PLEKHA4: variants seen among roughly 807,000 people sequenced by gnomAD.
The protein encoded by PLEKHA4 is pleckstrin homology domain-containing family A member 4.
PLEKHA4 carries 73 observed loss-of-function variants against 94.7 expected under a neutral mutation model. That is an observed-to-expected ratio of 0.77 (90% CI 0.64 to 0.94). PLEKHA4 has a LOEUF of 0.94. Ranked by LOEUF, PLEKHA4 falls within the 40% of genes least tolerant of loss-of-function variation. The probability of loss-of-function intolerance (pLI) is 0.00; values close to 1 mark genes in which losing one functional copy is unlikely to be tolerated. For missense variants in PLEKHA4, 1,049 were observed against 1,054.1 expected, an observed-to-expected ratio of 1.00 and a Z score of 0.07; for synonymous variants, 449 against 437.1, an observed-to-expected ratio of 1.03 and a Z score of -0.34.
intron 13 of PLEKHA4, among the ~76,000 whole-genome samples, chr19:48,851,206 G>A (rs146146823): frequency 0.022 from 3,413 of 152,200 alleles, 125 homozygotes; most frequent in African/African-American, 0.078. Flanking sequence ...ATGCTTGAGG[G>A]GATGGACACC....
intron 2 of PLEKHA4, among the ~76,000 whole-genome samples, chr19:48,865,887 G>A (rs540210536): frequency 2.6e-5 from 4 of 151,936 alleles, no homozygotes; most frequent in East Asian, 2.0e-4. Flanking sequence ...GGTGGCGGGC[G>A]CCTGTAGTCC....
chr19:48,838,238 C>A, intron 18 of PLEKHA4, 109 bp from the exon 19 acceptor site: 1 of 600,498 alleles, frequency 1.7e-6, no homozygotes, highest in South Asian at 2.2e-5. Flanking sequence ...TATTAGATAG[C>A]ACAACAGAAT....
intron 13 of PLEKHA4, among the ~76,000 whole-genome samples, chr19:48,849,509 A>G (rs1025344431): frequency 6.6e-6 from 1 of 151,852 alleles, no homozygotes; most frequent in African/African-American, 2.4e-5. Context: ...GGGTTTCACC[A>G]TGTTCGTCAG....
At chr19:48,854,393 G>T in intron 9 of PLEKHA4, 129 bp from the exon 10 acceptor site, 1 of 849,604 alleles carries the variant, frequency 1.2e-6, no homozygotes, top group Non-Finnish European at 1.8e-6. Context: ...TTTAGAGATA[G>T]GGTCTTGCTC....
In PLEKHA4 at chr19:48,845,392, G is replaced by C; in HGVS notation, c.1721C>G (p.Pro574Arg). ...RASSPEGRHLPSPQLGTKAPV... is the reference protein window; with the variant it reads ...RASSPEGRHLRSPQLGTKAPV... Reference sequence around the variant, plus strand: ...TACCTTGGTTCCTAGCTGTGGGGAAGGGAGGTGGCGACCCTCAGGGCTGGA... The same window carrying C: ...TACCTTGGTTCCTAGCTGTGGGGAACGGAGGTGGCGACCCTCAGGGCTGGA... The change falls in exon 16 of 20, where the codon CCT becomes CGT. Residue 574 changes from proline to arginine, a missense_variant. Transcript: ENST00000263265. 2 of 1,613,334 alleles carry C rather than the reference G, an allele frequency of 1.2e-6. No individual in the cohort carries two copies. Among genetic ancestry groups the C allele is most frequent in the Non-Finnish European group, 1.7e-6 (2 of 1,180,016 alleles).
At chr19:48,844,296 A>T in intron 16 of PLEKHA4, 1 of 239,182 alleles carries the variant, frequency 4.2e-6, no homozygotes, top group Non-Finnish European at 6.7e-6. Flanking sequence ...CTGGGATTAC[A>T]GGCACCCGCC....
intron 13 of PLEKHA4, among the ~76,000 whole-genome samples, chr19:48,849,454 G>A (rs969075260): frequency 6.6e-5 from 10 of 151,930 alleles, no homozygotes; most frequent in East Asian, 1.9e-4. Flanking sequence ...GACTACAGGC[G>A]TGCACCAGCA....
At chr19:48,847,876 G>A (rs2036026263) in intron 14 of PLEKHA4, 24 bp downstream of exon 14, 1 of 1,530,828 alleles carries the variant, frequency 6.5e-7, no homozygotes, top group Non-Finnish European at 8.8e-7. Flanking sequence ...AGCTTGGGGT[G>A]GGGAGGAATT....
rs747381532 is a variant in PLEKHA4, at chr19:48,854,073, C to T, written c.1110G>A (p.Lys370=). Residue 370 remains lysine (K), a synonymous_variant, in exon 11 of 20, where the codon AAG becomes AAA. Coordinates refer to ENST00000263265, the MANE Select transcript of PLEKHA4 (RefSeq NM_020904.3). ...GCAGAAGCCGGTCCTGCCCGCACAA[C>T]TTGGTCAGCAGCGTCTGGAGAAAGG... is the stretch of plus-strand genomic sequence containing the variant. ...QSLETDTLLT[K]LCGQDRLLRR... is the part of the protein sequence containing the mutation. 1 of 1,614,184 alleles carries T rather than the reference C, an allele frequency of 6.2e-7. No individual in the cohort carries two copies.
At position 48,853,680 on chromosome 19, in the gene PLEKHA4, A is replaced by C; in HGVS notation, c.1326+2T>G. 5 of 1,561,674 alleles carry C rather than the reference A, an allele frequency of 3.2e-6. No homozygotes were observed. Among genetic ancestry groups the C allele is most frequent in the Non-Finnish European group, 4.3e-6 (5 of 1,157,118 alleles). ...AGGGCAGGCCCCTTCCCAGGTGCTC[A>C]CCTGAGTCAAGTGACAGAGGGTGGC... On this transcript the variant is annotated splice_donor_variant, in intron 12 of 19. Transcript: ENST00000263265. LOFTEE classifies it high-confidence loss of function.
chr19:48,850,396 G>C (rs2036137346), intron 13 of PLEKHA4, among the ~76,000 whole-genome samples: 1 of 151,884 alleles, frequency 6.6e-6, no homozygotes, highest in East Asian at 1.9e-4. Flanking sequence ...CTCAGCTACT[G>C]GGGAAGCTGC....
At position 48,837,497 on chromosome 19, in the gene PLEKHA4, G is replaced by T. The variant is rs769136977; in HGVS notation, c.2132C>A (p.Ser711Ter). The T allele has an allele frequency of 1.9e-6, 3 of 1,613,056 alleles. No individual in the cohort carries two copies. The highest frequency in any genetic ancestry group is 2.5e-6 in the Non-Finnish European group (3 of 1,179,624). Residue 711 changes from serine to a stop codon, truncating the protein, a stop_gained, in exon 20 of 20, where the codon TCG becomes TAG. Transcript: ENST00000263265. LOFTEE classifies it low-confidence loss of function (END_TRUNC). This position sits in a 1 kb window ranked among gnomAD's most constrained non-coding sequence, Gnocchi z 4.3. Reference sequence around the variant, plus strand: ...AGGGGTCTCCTGGCGCGTGGGGTCCGAAGGAGGCAGCGGCACACCGGGAAG... The same window carrying T: ...AGGGGTCTCCTGGCGCGTGGGGTCCTAAGGAGGCAGCGGCACACCGGGAAG... ...DPLPGVPLPPSDPTRQETPPP... is the reference protein window; with the variant it reads ...DPLPGVPLPP
chr19:48,858,400 T>C (rs1194128870), intron 8 of PLEKHA4, among the ~76,000 whole-genome samples: 1 of 151,968 alleles, frequency 6.6e-6, no homozygotes, highest in Non-Finnish European at 1.5e-5. Flanking sequence ...GATGGGCAGA[T>C]CACCTGTCAG....
In PLEKHA4 at chr19:48,841,286, T is replaced by A; in HGVS notation, c.1768A>T (p.Ser590Cys). 6.2e-7 allele frequency: 1 copy of A among 1,612,484 alleles called. No homozygotes were observed. The highest frequency in any genetic ancestry group is 8.5e-7 in the Non-Finnish European group (1 of 1,179,338). ...TKAPVARPRMSAQEQLERMRR... is the reference protein window; with the variant it reads ...TKAPVARPRMCAQEQLERMRR... ...ATCCGCTCCAGCTGCTCCTGGGCAC[T>A]CATCCGGGGCCGGGCCACCGGGGCC... The change falls in exon 17 of 20, where the codon AGT becomes TGT. Residue 590 changes from serine (S) to cysteine (C), a missense_variant. Coordinates refer to ENST00000263265, the MANE Select transcript of PLEKHA4 (RefSeq NM_020904.3).
In PLEKHA4 at chr19:48,852,295, C is replaced by G; in HGVS notation, c.1358G>C (p.Gly453Ala). The G allele has an allele frequency of 6.2e-7, 1 of 1,614,086 alleles. No individual in the cohort carries two copies. Among genetic ancestry groups the G allele is most frequent in the African/African-American group, 1.3e-5 (1 of 75,022 alleles). The change falls in exon 13 of 20, where the codon GGC (glycine) becomes GCC (alanine). Residue 453 changes from glycine (G) to alanine (A), a missense_variant. Physicochemically the swap from Gly to Ala is moderately conservative, Grantham distance 60. Coordinates refer to ENST00000263265, the MANE Select transcript of PLEKHA4 (RefSeq NM_020904.3). ...TAAGGTGCCCAGCTCCTGCTCCAGG[C>G]CACTGTACGTGTCCCAAACCCTCTC... is the stretch of plus-strand genomic sequence containing the variant. ...ERERVWDTYS[G>A]LEQELGTLRE...
intron 5 of PLEKHA4, among the ~76,000 whole-genome samples, chr19:48,861,021 A>G (rs927198962): frequency 1.3e-5 from 2 of 152,146 alleles, no homozygotes; most frequent in African/African-American, 4.8e-5. Context: ...AGCCTGGCCA[A>G]CATGGCGAAA....
chr19:48,860,308 T>C (rs759210364), intron 6 of PLEKHA4, 42 bp downstream of exon 6: 2 of 1,535,432 alleles, frequency 1.3e-6, no homozygotes, highest in Non-Finnish European at 1.8e-6. Context: ...CGAGACTGAC[T>C]CAGGGTGGAG....
chr19:48,866,017 G>GA (rs1181028784), intron 2 of PLEKHA4, among the ~76,000 whole-genome samples: 244 of 132,692 alleles, frequency 1.8e-3, no homozygotes, highest in African/African-American at 4.7e-3. Flanking sequence ...CCGTCTCAAA[G>GA]AAAAAAAAAA....
intron 13 of PLEKHA4, among the ~76,000 whole-genome samples, chr19:48,851,241 T>C (rs568984755): frequency 6.6e-6 from 1 of 152,350 alleles, no homozygotes; most frequent in African/African-American, 2.4e-5. Context: ...GGGATTATTA[T>C]ACATTGCATG....
Sources: allele counts gnomAD v4.1 joint callset (sites outside exome capture counted in the v4.1 genomes callset), GRCh38; gene constraint gnomAD v4.1.1; non-coding constraint Gnocchi (gnomAD v3.1); transcripts MANE v1.5; gene names NCBI Gene and HGNC (gene_info 2026-07-23, HGNC 2026-07-21).